SUZ12: variants seen among roughly 807,000 people sequenced by gnomAD.
The protein encoded by SUZ12 is polycomb protein SUZ12.
In SUZ12, 17 loss-of-function variants were observed where a neutral mutation model predicts 87.3. The ratio of observed to expected loss-of-function variants is 0.19; its 90% confidence interval spans 0.13 to 0.29. The LOEUF (loss-of-function observed/expected upper bound fraction) is 0.29. Ranked by LOEUF, SUZ12 falls within the 10% of genes least tolerant of loss-of-function variation. SUZ12 has a pLI of 1.00. For missense variants in SUZ12, 526 were observed against 912.2 expected, an observed-to-expected ratio of 0.58 and a Z score of 5.45; for synonymous variants, 253 against 312.4, an observed-to-expected ratio of 0.81 and a Z score of 2.01.
chr17:31,957,768 A>T (rs1327370773), intron 4 of SUZ12, among the ~76,000 whole-genome samples: 1 of 150,998 alleles, frequency 6.6e-6, no homozygotes, highest in Non-Finnish European at 1.5e-5. Context: ...CTGGCCTCGA[A>T]TTCTTGACCT....
chr17:31,947,294 C>T (rs972742993), intron 3 of SUZ12, among the ~76,000 whole-genome samples: 2 of 151,890 alleles, frequency 1.3e-5, no homozygotes, highest in Admixed American at 6.6e-5. Flanking sequence ...ATGAGTTTTA[C>T]GTGTAGGAAA....
intron 5 of SUZ12, among the ~76,000 whole-genome samples, chr17:31,968,715 C>T (rs867904562): frequency 2.0e-5 from 3 of 152,026 alleles, no homozygotes; most frequent in Non-Finnish European, 2.9e-5. Context: ...TTCTAGTCAT[C>T]GTATTTTGTT....
intron 14 of SUZ12, 81 bp downstream of exon 14, chr17:31,995,843 A>T: frequency 2.0e-6 from 2 of 988,348 alleles, no homozygotes; most frequent in Non-Finnish European, 3.0e-6. Flanking sequence ...CTAGACTTTT[A>T]TTGTAAAGGA....
chr17:31,979,725 C>T (rs893488064), intron 8 of SUZ12, among the ~76,000 whole-genome samples: 3 of 152,136 alleles, frequency 2.0e-5, no homozygotes, highest in Non-Finnish European at 2.9e-5. Context: ...CACAATATTT[C>T]TCCATTGTAA....
chr17:31,939,089 C>G (rs1311717556), intron 1 of SUZ12, among the ~76,000 whole-genome samples: 2 of 152,104 alleles, frequency 1.3e-5, no homozygotes, highest in African/African-American at 2.4e-5. Context: ...TACATTTTAA[C>G]TAATTTGAAA....
intron 10 of SUZ12, among the ~76,000 whole-genome samples, chr17:31,991,865 G>T (rs1158531666): frequency 6.6e-6 from 1 of 151,882 alleles, no homozygotes; most frequent in Non-Finnish European, 1.5e-5. Flanking sequence ...CTCCCAAAGT[G>T]CTGGGATTAC....
chr17:31,954,578 T>C (rs527369856), intron 4 of SUZ12, among the ~76,000 whole-genome samples: 8 of 144,680 alleles, frequency 5.5e-5, no homozygotes, highest in Admixed American at 1.3e-4. Context: ...TTATGGAGCT[T>C]AGTGTTAGGG....
At chr17:31,990,276 C>CT (rs1167217001) in intron 10 of SUZ12, among the ~76,000 whole-genome samples, 3 of 149,774 alleles carry the variant, frequency 2.0e-5, no homozygotes, top group African/African-American at 4.9e-5. Flanking sequence ...CCCAGACTAA[C>CT]TTTTTTTGTA....
chr17:31,998,106 G>GTC lies in SUZ12; in HGVS notation c.1875-541_1875-540dup, dbSNP rs937859425. Among the ~76,000 whole-genome samples, 5 of 147,806 alleles carry GTC rather than the reference G, an allele frequency of 3.4e-5. No homozygotes were observed. The East Asian group carries it at 5.9e-4, about 17-fold the overall frequency. On this transcript the variant is annotated intron_variant, in intron 15 of 15. Transcript: ENST00000322652. ...TTTTTTTTTTTTTTTTTGAGACGGA[G>GTC]TCTCTCTCTCTCGTCCAGGCTGGAG...
intron 8 of SUZ12, among the ~76,000 whole-genome samples, chr17:31,979,372 A>T (rs1387208614): frequency 6.6e-6 from 1 of 152,166 alleles, no homozygotes; most frequent in Non-Finnish European, 1.5e-5. Flanking sequence ...GGAAAATTAA[A>T]ATACAAATAC....
chr17:31,987,784 A>C (rs564690634), intron 9 of SUZ12, among the ~76,000 whole-genome samples: 23 of 152,180 alleles, frequency 1.5e-4, no homozygotes, highest in Middle Eastern at 3.4e-3. Context: ...CACACACACA[A>C]AAAATTAGCT....
Position 31,975,561 on chromosome 17 carries a change from C to T in SUZ12, c.671C>T (p.Pro224Leu). 6.2e-7 allele frequency: 1 copy of T among 1,613,788 alleles called. No individual in the cohort carries two copies. The highest frequency in any genetic ancestry group is 8.5e-7 in the Non-Finnish European group (1 of 1,179,818). ...PLNPDLNQTK[P>L]GNFPSLAVSS... ...AATCCTGACCTCAATCAAACAAAAC[C>T]CGGAAATTTCCCGTCCCTTGCAGTT... Residue 224 changes from proline (P) to leucine (L), a missense_variant, in exon 7 of 16, where the codon CCC becomes CTC. This residue lies in a region of SUZ12 where 73 missense variants were observed against 133.8 expected (regional missense o/e 0.55). Transcript: ENST00000322652.
chr17:31,989,003 T>TGGA (rs1909559572), intron 10 of SUZ12, among the ~76,000 whole-genome samples: 1 of 151,406 alleles, frequency 6.6e-6, no homozygotes, highest in South Asian at 2.1e-4. Flanking sequence ...ACCCAGAAGG[T>TGGA]GGAGGTTGCA....
rs1909208392 is a variant in SUZ12, at chr17:31,983,172, C to A, written c.1023+68C>A. 9 of 1,475,476 alleles carry A rather than the reference C, an allele frequency of 6.1e-6. No individual in the cohort carries two copies. In the Admixed American group the frequency reaches 1.8e-4, roughly 30 times the overall value. 91.4% of individuals were successfully genotyped at this position (1,475,476 alleles called of 1,614,324 possible). On this transcript the variant is annotated intron_variant, in intron 9 of 15. Coordinates refer to ENST00000322652, the MANE Select transcript of SUZ12 (RefSeq NM_015355.4). ...TCCCATTTTTGACTGATGTTTTCTT[C>A]CCCAAATGCTAATTCATGTTGGAAG...
At chr17:31,955,820 A>G (rs1907290234) in intron 4 of SUZ12, among the ~76,000 whole-genome samples, 1 of 152,038 alleles carries the variant, frequency 6.6e-6, no homozygotes, top group East Asian at 1.9e-4. Context: ...GGCCTCTAAC[A>G]GTCCTCCTGT....
chr17:31,988,620 T>A, intron 10 of SUZ12, 123 bp downstream of exon 10: 1 of 1,004,276 alleles, frequency 1.0e-6, no homozygotes, highest in Non-Finnish European at 1.4e-6. Flanking sequence ...TGAGATGGAG[T>A]CTTGCTCTGT....
chr17:31,989,076 T>A (rs534179813), intron 10 of SUZ12, among the ~76,000 whole-genome samples: 2 of 151,444 alleles, frequency 1.3e-5, no homozygotes, highest in African/African-American at 4.8e-5. Flanking sequence ...TCAAAAAAAA[T>A]AAATAAAAGT....
At chr17:31,981,590 CTCTT>C (rs1241726348) in intron 8 of SUZ12, among the ~76,000 whole-genome samples, 1 of 152,140 alleles carries the variant, frequency 6.6e-6, no homozygotes, top group African/African-American at 2.4e-5. Context: ...AATTTATTAC[CTCTT>C]TGAGTAAATA....
intron 15 of SUZ12, among the ~76,000 whole-genome samples, chr17:31,998,354 C>G (rs1295570652): frequency 6.6e-6 from 1 of 152,108 alleles, no homozygotes; most frequent in African/African-American, 2.4e-5. Flanking sequence ...GCTAGAATTA[C>G]AGGCGTAATT....
Sources: gnomAD v4.1 joint callset for allele counts (sites outside exome capture counted in the v4.1 genomes callset) on GRCh38, gnomAD v4.1.1 for gene constraint, gnomAD v4.1.1 regional missense constraint, MANE v1.5 for transcripts, NCBI Gene and HGNC (gene_info 2026-07-23, HGNC 2026-07-21) for gene names.